The following CSMD1 variants were observed in gnomAD, a reference collection of about 807,000 sequenced individuals.
CSMD1 encodes the protein CUB and Sushi multiple domains 1.
CSMD1 carries 213 observed loss-of-function variants against 417.5 expected under a neutral mutation model. That is an observed-to-expected ratio of 0.51 (90% CI 0.46 to 0.57). The LOEUF (loss-of-function observed/expected upper bound fraction) is 0.57, where lower values mean the gene tolerates loss of function less well. CSMD1 is among the 20% of genes least tolerant of loss of function. CSMD1 has a pLI of 0.00. For missense variants in CSMD1, 6,923 were observed against 4,529.7 expected (o/e 1.53, Z -15.17); for synonymous variants, 2,862 against 1,736.8 (o/e 1.65, Z -16.11).
chr8:3,939,093 A>G (rs1810699728), intron 5 of CSMD1, among the ~76,000 whole-genome samples: 1 of 152,174 alleles, frequency 6.6e-6, no homozygotes, highest in African/African-American at 2.4e-5. Flanking sequence ...CCTAAGATGC[A>G]TAAATTGTTG....
rs926043807 is a variant in CSMD1 at position 4,145,476 on chromosome 8, T to A, written c.416-113377A>T. 2.6e-5 allele frequency among the ~76,000 whole-genome samples: 4 copies of A among 151,176 alleles called. No individual in the cohort carries two copies. The South Asian group carries it at 6.2e-4, about 23-fold the overall frequency. ...ATTTTTTGTATTGAAATATATACGGTAAACTAGACGGCATGTGAGCCCTGT... is the reference window on the plus strand; with the variant it reads ...ATTTTTTGTATTGAAATATATACGGAAAACTAGACGGCATGTGAGCCCTGT... On this transcript the variant is annotated intron_variant, in intron 3 of 69. Coordinates refer to ENST00000635120, the MANE Select transcript of CSMD1 (RefSeq NM_033225.6).
At chr8:3,213,139 T>C (rs762353176) in intron 30 of CSMD1, among the ~76,000 whole-genome samples, 1 of 152,202 alleles carries the variant, frequency 6.6e-6, no homozygotes, top group African/African-American at 2.4e-5. Flanking sequence ...TATACAGTAA[T>C]ATTTAAAATG....
rs1056855411 is a variant in CSMD1 at position 3,288,097 on chromosome 8, G to A, written c.3951-3751C>T. ...TGTCTTTGGTTCTGTTTATATGCTG[G>A]ATTACATTTATCGATTTTCATTTGT... On this transcript the variant is annotated intron_variant, in intron 25 of 69. Transcript: ENST00000635120. Among the ~76,000 whole-genome samples, 2 of 147,302 alleles carry A rather than the reference G, an allele frequency of 1.4e-5. 1 individual carries two copies. Among genetic ancestry groups the A allele is most frequent in the African/African-American group, 5.4e-5 (2 of 37,076 alleles).
intron 7 of CSMD1, among the ~76,000 whole-genome samples, chr8:3,639,242 A>T (rs1585001957): frequency 6.6e-6 from 1 of 152,196 alleles, no homozygotes; most frequent in South Asian, 2.1e-4. Flanking sequence ...GTCCATTGAC[A>T]ATGAAATTTC....
intron 12 of CSMD1, among the ~76,000 whole-genome samples, chr8:3,417,357 C>T (rs1011587803): frequency 6.6e-6 from 1 of 152,174 alleles, no homozygotes; most frequent in Non-Finnish European, 1.5e-5. Flanking sequence ...TTTCAGACAG[C>T]TAACTTTTTA....
intron 1 of CSMD1, among the ~76,000 whole-genome samples, chr8:4,819,732 G>A (rs548596572): frequency 2.6e-5 from 4 of 152,114 alleles, no homozygotes; most frequent in Non-Finnish European, 4.4e-5. Context: ...ACCATTGAAC[G>A]GAAAATGCTC....
At chr8:3,411,824 AT>A (rs1812745141) in intron 12 of CSMD1, among the ~76,000 whole-genome samples, 1 of 124,090 alleles carries the variant, frequency 8.1e-6, no homozygotes, top group Non-Finnish European at 1.7e-5. Context: ...ATACGTGTAT[AT>A]GTATATATGC....
chr8:4,723,227 T>C (rs951221057), intron 1 of CSMD1, among the ~76,000 whole-genome samples: 9 of 152,250 alleles, frequency 5.9e-5, no homozygotes, highest in South Asian at 2.1e-4. Flanking sequence ...ACGGCTCCTT[T>C]TAAAGACATT....
intron 17 of CSMD1, among the ~76,000 whole-genome samples, chr8:3,392,041 G>C (rs1339091071): frequency 6.7e-6 from 1 of 148,568 alleles, no homozygotes; most frequent in African/African-American, 2.5e-5. Context: ...TCACTCATAG[G>C]TGGGAATTGA....
chr8:4,261,380 A>T (rs949077939), intron 3 of CSMD1, among the ~76,000 whole-genome samples: 1 of 152,262 alleles, frequency 6.6e-6, no homozygotes, highest in East Asian at 1.9e-4. Flanking sequence ...TAGAGATTAG[A>T]ATCAGAATGG....
At chr8:4,661,141 C>T (rs1804579096) in intron 1 of CSMD1, among the ~76,000 whole-genome samples, 1 of 152,166 alleles carries the variant, frequency 6.6e-6, no homozygotes, top group South Asian at 2.1e-4. Flanking sequence ...AATGTGACAA[C>T]ATTCACACAA....
At chr8:3,893,658 C>T (rs1013133205) in intron 5 of CSMD1, among the ~76,000 whole-genome samples, 6 of 151,830 alleles carry the variant, frequency 4.0e-5, no homozygotes, top group Middle Eastern at 3.2e-3. Context: ...GAGAGGTAGT[C>T]AAGGAAATGG....
intron 3 of CSMD1, among the ~76,000 whole-genome samples, chr8:4,058,376 A>G (rs555050095): frequency 1.4e-4 from 22 of 152,250 alleles, no homozygotes; most frequent in African/African-American, 4.3e-4. Flanking sequence ...ATTTTTGTCC[A>G]TTGATTTTGT....
At chr8:4,033,982 A>G (rs1289844173) in intron 3 of CSMD1, among the ~76,000 whole-genome samples, 1 of 152,228 alleles carries the variant, frequency 6.6e-6, no homozygotes, top group African/African-American at 2.4e-5. Flanking sequence ...AAGCTATGAA[A>G]CTTACTAGTA....
chr8:4,474,241 G>C (rs970153432), intron 2 of CSMD1, among the ~76,000 whole-genome samples: 4 of 152,034 alleles, frequency 2.6e-5, no homozygotes, highest in East Asian at 1.9e-4. Flanking sequence ...TATAACACGA[G>C]ACATAAATTT....
intron 7 of CSMD1, among the ~76,000 whole-genome samples, chr8:3,636,153 G>A (rs560864755): frequency 4.6e-5 from 7 of 152,060 alleles, no homozygotes; most frequent in Non-Finnish European, 7.4e-5. Flanking sequence ...TACAACACAG[G>A]GTCAGAATAA....
intron 1 of CSMD1, among the ~76,000 whole-genome samples, chr8:4,909,127 T>C (rs1173785648): frequency 6.6e-6 from 1 of 152,156 alleles, no homozygotes; most frequent in Non-Finnish European, 1.5e-5. Context: ...TGTCAGAGGA[T>C]TTGATTTTCT....
At chr8:4,529,038 G>T (rs140454538) in intron 2 of CSMD1, among the ~76,000 whole-genome samples, 1 of 151,974 alleles carries the variant, frequency 6.6e-6, no homozygotes, top group African/African-American at 2.4e-5. Flanking sequence ...TATGTGAGAC[G>T]GTGTTTTTTT....
chr8:4,624,394 G>T (rs937442784), intron 2 of CSMD1, among the ~76,000 whole-genome samples: 33 of 152,152 alleles, frequency 2.2e-4, no homozygotes, highest in African/African-American at 7.7e-4. Flanking sequence ...CAGTTTTGGG[G>T]TCAACTTCTT....
Sources: gnomAD v4.1 joint callset for allele counts (sites outside exome capture counted in the v4.1 genomes callset) on GRCh38, gnomAD v4.1.1 for gene constraint, MANE v1.5 for transcripts, NCBI Gene and HGNC (gene_info 2026-07-23, HGNC 2026-07-21) for gene names.